DCC: variants seen among roughly 807,000 people sequenced by gnomAD.
DCC encodes the protein DCC netrin 1 receptor.
In DCC, 58 loss-of-function variants were observed where a neutral mutation model predicts 172.5. That is an observed-to-expected ratio of 0.34 (90% confidence interval 0.27 to 0.42). The LOEUF is 0.42. Among genes scored for constraint, DCC ranks in the 10% least tolerant of loss-of-function variants. The pLI, the probability that DCC is intolerant of heterozygous loss-of-function variation, is 1.00. For missense variants in DCC, 1,740 were observed against 1,791.0 expected (o/e 0.97, Z 0.51); for synonymous variants, 709 against 644.5 (o/e 1.10, Z -1.52).
chr18:53,204,303 A>T (rs1239077143), intron 9 of DCC, among the ~76,000 whole-genome samples: 1 of 152,164 alleles, frequency 6.6e-6, no homozygotes, highest in Non-Finnish European at 1.5e-5. Flanking sequence ...GCACTTCGGG[A>T]TGCCAAGGCA....
intron 12 of DCC, among the ~76,000 whole-genome samples, chr18:53,294,107 T>C (rs1363100698): frequency 1.3e-5 from 2 of 152,164 alleles, no homozygotes; most frequent in Non-Finnish European, 2.9e-5. Flanking sequence ...CAGAGAAAAG[T>C]GGTGGCATGT....
chr18:52,861,140 CACTT>C (rs1412396673), intron 2 of DCC, among the ~76,000 whole-genome samples: 1 of 151,932 alleles, frequency 6.6e-6, no homozygotes, highest in African/African-American at 2.4e-5. Context: ...GTGCCCGTAA[CACTT>C]ACATGAATTG....
chr18:53,385,910 A>G, intron 15 of DCC, 133 bp from the exon 16 acceptor site: 1 of 708,928 alleles, frequency 1.4e-6, no homozygotes, highest in Non-Finnish European at 2.5e-6. Flanking sequence ...TCCTTTCTGA[A>G]TCCAACTCAC....
intron 7 of DCC, among the ~76,000 whole-genome samples, chr18:53,095,820 G>A (rs2043078925): frequency 7.0e-6 from 1 of 143,712 alleles, no homozygotes; most frequent in Admixed American, 6.8e-5. Flanking sequence ...GGAGGGTATG[G>A]GGTTTTTTTC....
chr18:52,596,172 C>T (rs1193524512), intron 1 of DCC, among the ~76,000 whole-genome samples: 3 of 152,126 alleles, frequency 2.0e-5, no homozygotes, highest in African/African-American at 7.2e-5. Context: ...TAGTGTTCAC[C>T]TAATAGCGAC....
At chr18:52,647,460 G>A (rs2035040465) in intron 1 of DCC, among the ~76,000 whole-genome samples, 1 of 152,192 alleles carries the variant, frequency 6.6e-6, no homozygotes, top group Non-Finnish European at 1.5e-5. Context: ...ACCTACTGCA[G>A]CAAGTTCAGG....
intron 13 of DCC, among the ~76,000 whole-genome samples, chr18:53,321,373 C>G (rs2057409894): frequency 2.0e-5 from 3 of 152,218 alleles, no homozygotes; most frequent in Admixed American, 2.0e-4. Context: ...AGGAAAGTCA[C>G]TTACATCAAA....
chr18:53,438,684 G>C (rs1912091951), intron 22 of DCC, among the ~76,000 whole-genome samples: 2 of 152,242 alleles, frequency 1.3e-5, no homozygotes, highest in South Asian at 2.1e-4. Flanking sequence ...ATTTTTGGTT[G>C]AAAAGAAATC....
intron 1 of DCC, among the ~76,000 whole-genome samples, chr18:52,657,288 G>A (rs765250161): frequency 6.6e-6 from 1 of 152,122 alleles, no homozygotes; most frequent in Admixed American, 6.5e-5. Flanking sequence ...TCCCCTCCTG[G>A]CTGCTTTTGG....
intron 1 of DCC, among the ~76,000 whole-genome samples, chr18:52,357,569 T>G (rs1984423633): frequency 6.6e-6 from 1 of 152,094 alleles, no homozygotes; most frequent in Admixed American, 6.5e-5. Context: ...GAATTCAAAA[T>G]ATTATATATA....
chr18:52,394,559 G>C (rs895891196), intron 1 of DCC, among the ~76,000 whole-genome samples: 3 of 151,876 alleles, frequency 2.0e-5, no homozygotes, highest in African/African-American at 7.3e-5. Context: ...TTACAGGTGT[G>C]AGCCACCACA....
chr18:53,362,393 G>C (rs986615100), intron 15 of DCC, among the ~76,000 whole-genome samples: 1 of 152,140 alleles, frequency 6.6e-6, no homozygotes, highest in Non-Finnish European at 1.5e-5. Context: ...CTGAATGGGA[G>C]CCGGAAGTGC....
intron 1 of DCC, among the ~76,000 whole-genome samples, chr18:52,387,574 T>TGTTCCTTCCTTCCTTCCTTC (rs551481939): frequency 3.9e-4 from 48 of 122,090 alleles, no homozygotes; most frequent in African/African-American, 1.5e-3. Context: ...TTGTTTTGTT[T>TGTTCCTTCCTTCCTTCCTTC]CTTCCTTCCT....
intron 12 of DCC, 140 bp downstream of exon 12, chr18:53,215,737 A>T (rs1228365947): frequency 1.3e-6 from 1 of 752,922 alleles, no homozygotes; most frequent in African/African-American, 1.7e-5. Flanking sequence ...ACAGCAAGTG[A>T]CATTGATCCC....
intron 11 of DCC, among the ~76,000 whole-genome samples, chr18:53,212,630 T>C (rs1161907174): frequency 2.0e-5 from 3 of 152,110 alleles, no homozygotes; most frequent in Non-Finnish European, 2.9e-5. Flanking sequence ...CAAAAGGACT[T>C]TTAGCAGAAT....
intron 2 of DCC, among the ~76,000 whole-genome samples, chr18:52,753,819 TG>T (rs933586153): frequency 5.3e-5 from 8 of 152,228 alleles, no homozygotes; most frequent in African/African-American, 1.7e-4. Context: ...TTATTTCTGT[TG>T]GCCCCTGAAA....
At chr18:53,332,960 C>G (rs771485220) in intron 14 of DCC, among the ~76,000 whole-genome samples, 1 of 151,854 alleles carries the variant, frequency 6.6e-6, no homozygotes, top group Non-Finnish European at 1.5e-5. Flanking sequence ...GTCCTAGCTA[C>G]TCAGGAGGCT....
At chr18:52,531,403 C>T (rs1402311088) in intron 1 of DCC, among the ~76,000 whole-genome samples, 1 of 152,066 alleles carries the variant, frequency 6.6e-6, no homozygotes, top group Non-Finnish European at 1.5e-5. Context: ...TAGTTAACAC[C>T]AGCTTTAACT....
intron 1 of DCC, among the ~76,000 whole-genome samples, chr18:52,665,034 A>C (rs867235446): frequency 6.6e-6 from 1 of 152,256 alleles, no homozygotes; most frequent in African/African-American, 2.4e-5. Context: ...CTTTTGGGAC[A>C]TGACTGCAGA....
Sources: allele counts gnomAD v4.1 joint callset (sites outside exome capture counted in the v4.1 genomes callset), GRCh38; gene constraint gnomAD v4.1.1; transcripts MANE v1.5; gene names NCBI Gene and HGNC (gene_info 2026-07-23, HGNC 2026-07-21).